The following RBFOX1 variants were observed in gnomAD, a reference collection of about 807,000 sequenced individuals.
RBFOX1 encodes the protein RNA binding fox-1 homolog 1.
RBFOX1 carries 8 observed loss-of-function variants against 57.7 expected under a neutral mutation model. That is an observed-to-expected ratio of 0.14 (90% CI 0.08 to 0.25). The LOEUF is 0.25. Among genes scored for constraint, RBFOX1 ranks in the 10% least tolerant of loss-of-function variants. The pLI is 1.00. For synonymous variants in RBFOX1, 326 were observed against 222.4 expected (o/e 1.47, Z -4.15); for missense variants, 611 against 548.5 (o/e 1.11, Z -1.14).
intron 3 of RBFOX1, among the ~76,000 whole-genome samples, chr16:5,657,542 G>A (rs996852089): frequency 6.6e-6 from 1 of 151,972 alleles, no homozygotes; most frequent in Non-Finnish European, 1.5e-5. Context: ...TCATATAGAG[G>A]CACTCACTTT....
intron 3 of RBFOX1, among the ~76,000 whole-genome samples, chr16:5,713,075 G>C (rs1039568143): frequency 6.6e-6 from 1 of 152,202 alleles, no homozygotes; most frequent in Admixed American, 6.5e-5. Flanking sequence ...TGTGCAGAAA[G>C]TTTTCCTTTC....
chr16:7,372,999 T>C (rs1247566161), intron 4 of RBFOX1, among the ~76,000 whole-genome samples: 2 of 151,998 alleles, frequency 1.3e-5, no homozygotes, highest in Non-Finnish European at 2.9e-5. Flanking sequence ...TGGTGCATTC[T>C]TGGCTCACTG....
At chr16:6,965,196 G>A (rs2083852422) in intron 3 of RBFOX1, among the ~76,000 whole-genome samples, 1 of 152,116 alleles carries the variant, frequency 6.6e-6, no homozygotes, top group African/African-American at 2.4e-5. Flanking sequence ...GGAGAGGTGG[G>A]TGGTGTAAAT....
chr16:6,457,186 G>A (rs568619035), intron 2 of RBFOX1, among the ~76,000 whole-genome samples: 1 of 152,160 alleles, frequency 6.6e-6, no homozygotes, highest in African/African-American at 2.4e-5. Flanking sequence ...GAGGAGAAAG[G>A]ATTTATAAGA....
chr16:6,292,717 A>G (rs377238754), intron 1 of RBFOX1, among the ~76,000 whole-genome samples: 1 of 152,174 alleles, frequency 6.6e-6, no homozygotes, highest in Non-Finnish European at 1.5e-5. Flanking sequence ...TCATTGAACT[A>G]TCTATTGCTG....
intron 1 of RBFOX1, among the ~76,000 whole-genome samples, chr16:5,276,375 G>C (rs908417891): frequency 6.6e-6 from 1 of 152,120 alleles, no homozygotes; most frequent in African/African-American, 2.4e-5. Context: ...GACATGAATA[G>C]GCAGTTCCCA....
At chr16:7,417,993 A>T (rs1467896069) in intron 4 of RBFOX1, among the ~76,000 whole-genome samples, 1 of 152,084 alleles carries the variant, frequency 6.6e-6, no homozygotes, top group African/African-American at 2.4e-5. Context: ...CATCCCACAG[A>T]TGGGCTCCAG....
chr16:5,857,565 C>A (rs1248607891), intron 3 of RBFOX1, among the ~76,000 whole-genome samples: 3 of 152,104 alleles, frequency 2.0e-5, no homozygotes, highest in African/African-American at 7.2e-5. Context: ...CTGTGACAGC[C>A]AAATATGCCT....
intron 3 of RBFOX1, among the ~76,000 whole-genome samples, chr16:5,727,112 C>G (rs902012458): frequency 6.6e-6 from 1 of 152,020 alleles, no homozygotes; most frequent in East Asian, 1.9e-4. Flanking sequence ...TACAAAAATA[C>G]AAAAATTAGC....
At chr16:6,245,153 A>T (rs8055352) in intron 1 of RBFOX1, among the ~76,000 whole-genome samples, 2,545 of 152,304 alleles carry the variant, frequency 0.017, 34 homozygotes, top group Non-Finnish European at 0.028. Context: ...ACTCACAAAT[A>T]AATGCGTGAT....
At chr16:6,354,827 A>G (rs2086998862) in intron 2 of RBFOX1, among the ~76,000 whole-genome samples, 1 of 152,224 alleles carries the variant, frequency 6.6e-6, no homozygotes. Flanking sequence ...ATGCTCATTA[A>G]CTACTGAAGG....
intron 2 of RBFOX1, among the ~76,000 whole-genome samples, chr16:6,441,820 ACACTCTCTG>A (rs905561342): frequency 2.9e-4 from 44 of 152,272 alleles, no homozygotes; most frequent in African/African-American, 9.9e-4. Flanking sequence ...GATGGACTAA[ACACTCTCTG>A]TCTCATCCCA....
intron 2 of RBFOX1, among the ~76,000 whole-genome samples, chr16:6,393,422 G>A (rs191492144): frequency 6.6e-6 from 1 of 152,254 alleles, no homozygotes; most frequent in African/African-American, 2.4e-5. Flanking sequence ...TTGGGTGTTA[G>A]GATTCTTATT....
Position 5,748,250 on chromosome 16 carries a change from T to C in RBFOX1, c.319-119053T>C, listed in dbSNP as rs565893462. ...CTGTGGTCTGAGAGACAGTTTGTTA[T>C]AATTTCTGTTCTTTTACATTTGCTG... On this transcript the variant is annotated intron_variant, in intron 3 of 19. Transcript: ENST00000641259. Among the ~76,000 whole-genome samples, 22 of 152,254 alleles carry C rather than the reference T, an allele frequency of 1.4e-4. No homozygotes were observed. The East Asian group carries it at 4.1e-3, about 28-fold the overall frequency.
intron 3 of RBFOX1, among the ~76,000 whole-genome samples, chr16:5,735,593 C>T (rs772622946): frequency 1.3e-5 from 2 of 151,880 alleles, no homozygotes; most frequent in African/African-American, 2.4e-5. Context: ...ACTTAGTTGT[C>T]CATGTAATAA....
chr16:6,760,614 T>C, intron 3 of RBFOX1, among the ~76,000 whole-genome samples: 1 of 152,180 alleles, frequency 6.6e-6, no homozygotes, highest in Non-Finnish European at 1.5e-5. Context: ...TGACTTGAAG[T>C]ACTAGACTGA....
At chr16:5,489,608 C>T (rs1764514060) in intron 2 of RBFOX1, among the ~76,000 whole-genome samples, 1 of 152,156 alleles carries the variant, frequency 6.6e-6, no homozygotes, top group African/African-American at 2.4e-5. Context: ...TAAGTCCTTA[C>T]ATATTAGCTG....
At chr16:7,390,782 CT>C (rs1193569268) in intron 4 of RBFOX1, among the ~76,000 whole-genome samples, 2 of 152,052 alleles carry the variant, frequency 1.3e-5, no homozygotes, top group Non-Finnish European at 2.9e-5. Flanking sequence ...AGACTATTTT[CT>C]TTCCATTTAT....
intron 4 of RBFOX1, among the ~76,000 whole-genome samples, chr16:5,948,699 C>G (rs1444719017): frequency 6.6e-6 from 1 of 152,152 alleles, no homozygotes; most frequent in Non-Finnish European, 1.5e-5. Flanking sequence ...GCCTGATGTT[C>G]CCTCAGAGCC....
Sources: gnomAD v4.1 joint callset for allele counts (sites outside exome capture counted in the v4.1 genomes callset) on GRCh38, gnomAD v4.1.1 for gene constraint, MANE v1.5 for transcripts, NCBI Gene and HGNC (gene_info 2026-07-23, HGNC 2026-07-21) for gene names.